The following SYNCRIP variants were observed in gnomAD, a reference collection of about 807,000 sequenced individuals.
The protein encoded by SYNCRIP is synaptotagmin binding cytoplasmic RNA interacting protein.
Under a neutral mutation model 68.9 loss-of-function variants are expected in SYNCRIP, and 9 were observed. That is an observed-to-expected ratio of 0.13 (90% CI 0.08 to 0.23). SYNCRIP has a LOEUF of 0.23. Among genes scored for constraint, SYNCRIP ranks in the 10% least tolerant of loss-of-function variants. The pLI is 1.00. For missense variants in SYNCRIP, 414 were observed against 770.6 expected, an observed-to-expected ratio of 0.54 and a Z score of 5.48; for synonymous variants, 258 against 254.0, an observed-to-expected ratio of 1.02 and a Z score of -0.15.
At chr6:85,632,188 T>TTGCTGTATCAGTATTAA (rs1807873848) in intron 6 of SYNCRIP, among the ~76,000 whole-genome samples, 1 of 152,190 alleles carries the variant, frequency 6.6e-6, no homozygotes, top group Admixed American at 6.6e-5. Context: ...AAACTATTCA[T>TTGCTGTATCAGTATTAA]TGCTGTATCA....
At chr6:85,629,928 G>A (rs1807529538) in intron 6 of SYNCRIP, among the ~76,000 whole-genome samples, 1 of 151,482 alleles carries the variant, frequency 6.6e-6, no homozygotes, top group Non-Finnish European at 1.5e-5. Context: ...AGGTTGCAGT[G>A]AGCTGAGATA....
In SYNCRIP at chr6:85,641,419, A is replaced by G. The variant is rs1258079634; in HGVS notation, c.21T>C (p.Asn7=). 2.5e-6 allele frequency: 4 copies of G among 1,613,682 alleles called. No individual in the cohort carries two copies. The highest frequency in any genetic ancestry group is 2.5e-6 in the Non-Finnish European group (3 of 1,179,984). ...CCATGGGCTCTTCAGTACCATTTCC[A>G]TTAACATGTTCTGTAGCCATGTTTC... is the stretch of plus-strand genomic sequence containing the variant. MATEHV[N]GNGTEEPMDT... is the part of the protein sequence containing the mutation. Residue 7 remains asparagine, a synonymous_variant, in exon 2 of 11, where the codon AAT becomes AAC. Transcript: ENST00000369622.
At chr6:85,633,277 T>C (rs925476199) in intron 6 of SYNCRIP, among the ~76,000 whole-genome samples, 6 of 143,276 alleles carry the variant, frequency 4.2e-5, no homozygotes, top group East Asian at 4.2e-4. Flanking sequence ...AATAAATAAA[T>C]AAATAAATAA....
chr6:85,640,027 G>A (rs77775282), intron 4 of SYNCRIP, among the ~76,000 whole-genome samples, 194 bp downstream of exon 4: 1 of 152,082 alleles, frequency 6.6e-6, no homozygotes, highest in African/African-American at 2.4e-5. Context: ...TCAGTAGCTG[G>A]ATAACATGAT....
At chr6:85,632,026 A>C (rs1282530105) in intron 6 of SYNCRIP, among the ~76,000 whole-genome samples, 1 of 152,208 alleles carries the variant, frequency 6.6e-6, no homozygotes, top group Non-Finnish European at 1.5e-5. Context: ...ATTCCCCAAA[A>C]TGAAGGTAGA....
chr6:85,624,328 GATTA>G (rs1377233496), intron 6 of SYNCRIP, among the ~76,000 whole-genome samples: 1 of 152,122 alleles, frequency 6.6e-6, no homozygotes, highest in Non-Finnish European at 1.5e-5. Context: ...TCCTTTACTT[GATTA>G]ATTAGAAATC....
chr6:85,636,631 T>C (rs1225771473), intron 6 of SYNCRIP, among the ~76,000 whole-genome samples: 1 of 152,178 alleles, frequency 6.6e-6, no homozygotes, highest in Non-Finnish European at 1.5e-5. Context: ...GGCTCAGGTA[T>C]GGCCAGGAAG....
intron 7 of SYNCRIP, 118 bp from the exon 8 acceptor site, chr6:85,622,805 T>C: frequency 1.3e-6 from 1 of 773,298 alleles, no homozygotes; most frequent in Non-Finnish European, 2.1e-6. Context: ...TCTCTTTCCT[T>C]CACTAGACAT....
rs545100302 is a variant in SYNCRIP at position 85,638,762 on chromosome 6, C to A, written c.376-1406G>T. ...ATCTTTCCATTTTCTCACATGTAAT[C>A]CCTATGCTATAAACGGATTTTTTAA... On this transcript the variant is annotated intron_variant, in intron 4 of 10. Coordinates refer to ENST00000369622, the MANE Select transcript of SYNCRIP (RefSeq NM_006372.5). Among the ~76,000 whole-genome samples the A allele has an allele frequency of 1.0e-3, 159 of 152,292 alleles. 5 individuals carry two copies. The South Asian group carries it at 0.033, about 31-fold the overall frequency.
At chr6:85,613,911 A>T (rs567156952), downstream of SYNCRIP, 6 of 945,198 alleles carry the variant, frequency 6.3e-6, no homozygotes, top group South Asian at 2.9e-4. Flanking sequence ...AGACTACCTG[A>T]ATTTGTCCTT....
chr6:85,633,190 A>G (rs1370788669), intron 6 of SYNCRIP, among the ~76,000 whole-genome samples: 1 of 151,832 alleles, frequency 6.6e-6, no homozygotes, highest in Non-Finnish European at 1.5e-5. Flanking sequence ...CGGGAGGCAG[A>G]GCTTGCAGTG....
At chr6:85,612,708 A>C, downstream of SYNCRIP, 1 of 539,120 alleles carries the variant, frequency 1.9e-6, no homozygotes. Flanking sequence ...AAAGAAATTC[A>C]TATCAAAGTC....
chr6:85,624,337 G>A lies in SYNCRIP; in HGVS notation c.667-225C>T, dbSNP rs922618011. On this transcript the variant is annotated intron_variant, in intron 6 of 10. Coordinates refer to ENST00000369622, the MANE Select transcript of SYNCRIP (RefSeq NM_006372.5). ...ATTAAATCCTTTACTTGATTAATTA[G>A]AAATCAGATCTGCAGCAGCTTAAAT... 2.0e-5 allele frequency among the ~76,000 whole-genome samples: 3 copies of A among 152,264 alleles called. No individual in the cohort carries two copies. The South Asian group carries it at 6.2e-4, about 32-fold the overall frequency.
In SYNCRIP at chr6:85,635,774, C is replaced by CAAAAAAA. The variant is rs58599854; in HGVS notation, c.666+1186_666+1192dup. ...GGTGACAGAGTGAGATTCTATCTCC[C>CAAAAAAA]AAAAAAAAAAAAAAAAAAAAAAAGA... On this transcript the variant is annotated intron_variant, in intron 6 of 10. Coordinates refer to ENST00000369622, the MANE Select transcript of SYNCRIP (RefSeq NM_006372.5). 6.1e-3 allele frequency among the ~76,000 whole-genome samples: 477 copies of CAAAAAAA among 78,488 alleles called. 2 individuals carry two copies. The highest frequency in any genetic ancestry group is 0.011 in the African/African-American group (241 of 20,988). The allele number at this position is 78,488 out of a possible 152,430, so 51.5% of individuals were successfully genotyped here.
rs771166059 is a variant in SYNCRIP, at chr6:85,622,574, A to G, written c.916T>C (p.Leu306=). 6.2e-6 allele frequency: 10 copies of G among 1,614,098 alleles called. No individual in the cohort carries two copies. Among genetic ancestry groups the G allele is most frequent in the Non-Finnish European group, 7.6e-6 (9 of 1,180,020 alleles). ...CAGACCTTGACTTTACCACTCATTA[A>G]CCTACGCCTTGCCTGGGCAGCTGTT... The part of the protein sequence containing the change: ...HKTAAQARRR[L]MSGKVKVWGN... Residue 306 remains leucine (L), a synonymous_variant, in exon 8 of 11, where the codon TTA becomes CTA. Coordinates refer to ENST00000369622, the MANE Select transcript of SYNCRIP (RefSeq NM_006372.5).
chr6:85,614,703 G>A lies in SYNCRIP; in HGVS notation c.*53C>T, dbSNP rs1583238826. On this transcript the variant is annotated 3_prime_UTR_variant, in exon 11 of 11. Transcript: ENST00000369622. ...ATAGCGGCACCCGTTCAGATTTAGG[G>A]TGAGTTTCTGATCAACCTATCAGTC... 6.6e-7 allele frequency: 1 copy of A among 1,507,824 alleles called. No homozygotes were observed. The highest frequency in any genetic ancestry group is 1.4e-5 in the South Asian group (1 of 73,272). The allele number at this position is 1,507,824 out of a possible 1,614,324, so 93.4% of individuals were successfully genotyped here. A position where few individuals can be genotyped will look rare whatever the true frequency, so the allele number is the denominator to read the frequency against.
intron 7 of SYNCRIP, 125 bp downstream of exon 7, chr6:85,623,852 T>G: frequency 3.3e-6 from 4 of 1,209,798 alleles, no homozygotes; most frequent in Non-Finnish European, 4.6e-6. Context: ...TACCTACACT[T>G]CAAAAGTTGT....
rs1806103313 is a variant in SYNCRIP, at chr6:85,619,121, G to T, written c.1158+147C>A. The T allele has an allele frequency of 4.0e-6, 5 of 1,252,352 alleles. 1 individual carries two copies. In the African/African-American group the frequency reaches 4.6e-5, roughly 11 times the overall value. The allele number at this position is 1,252,352 out of a possible 1,614,324, so 77.6% of individuals were successfully genotyped here. On this transcript the variant is annotated intron_variant, in intron 9 of 10. Transcript: ENST00000369622. ...ATTTTTCATTTTTACTTAGAAAACT[G>T]CCAACATCACTAAAACCAAAAGGTT...
At chr6:85,619,143 G>T in intron 9 of SYNCRIP, 125 bp downstream of exon 9, 1 of 1,380,690 alleles carries the variant, frequency 7.2e-7, no homozygotes, top group Non-Finnish European at 9.9e-7. Context: ...AAAACCAAAA[G>T]GTTTTAGTTT....
Sources: allele counts gnomAD v4.1 joint callset (sites outside exome capture counted in the v4.1 genomes callset), GRCh38; gene constraint gnomAD v4.1.1; transcripts MANE v1.5; gene names NCBI Gene and HGNC (gene_info 2026-07-23, HGNC 2026-07-21).